The following RAB31 variants were observed in gnomAD, a reference collection of about 807,000 sequenced individuals.
RAB31 encodes ras-related protein Rab-31.
RAB31 carries 21 observed loss-of-function variants against 25.6 expected under a neutral mutation model. That is an observed-to-expected ratio of 0.82 (90% CI 0.58 to 1.18). The LOEUF is 1.18. Among genes scored for constraint, RAB31 ranks in the 50% most tolerant of loss-of-function variants. RAB31 has a pLI of 0.00. For synonymous variants in RAB31, 87 were observed against 84.0 expected (o/e 1.04, Z -0.20); for missense variants, 196 against 250.1 (o/e 0.78, Z 1.46).
At chr18:9,759,884 G>A (rs1353306776) in intron 1 of RAB31, among the ~76,000 whole-genome samples, 8 of 152,056 alleles carry the variant, frequency 5.3e-5, no homozygotes, top group Admixed American at 3.9e-4. Context: ...TGATGCATGA[G>A]TTATCAGGAT....
At chr18:9,759,034 G>A (rs1008675676) in intron 1 of RAB31, among the ~76,000 whole-genome samples, 16 of 151,992 alleles carry the variant, frequency 1.1e-4, no homozygotes, top group Admixed American at 6.6e-5. Context: ...CTTTGAGATG[G>A]AGAAGCAGTA....
At chr18:9,772,866 T>TGCTCC (rs2068352276) in intron 1 of RAB31, among the ~76,000 whole-genome samples, 1 of 151,996 alleles carries the variant, frequency 6.6e-6, no homozygotes, top group African/African-American at 2.4e-5. Flanking sequence ...GGCAAGGATT[T>TGCTCC]GCTCCTCCAC....
chr18:9,759,182 G>A (rs2068274900), intron 1 of RAB31, among the ~76,000 whole-genome samples: 1 of 151,978 alleles, frequency 6.6e-6, no homozygotes, highest in African/African-American at 2.4e-5. Flanking sequence ...CTATACAGCG[G>A]GTCTTTTTGT....
At chr18:9,741,616 G>A (rs73940008) in intron 1 of RAB31, among the ~76,000 whole-genome samples, 1,524 of 152,220 alleles carry the variant, frequency 0.01, 28 homozygotes, top group African/African-American at 0.035. Context: ...CTTGTCCTGC[G>A]CCAGTGCCAG....
At chr18:9,839,814 C>G (rs1016542764) in intron 5 of RAB31, among the ~76,000 whole-genome samples, 2 of 152,154 alleles carry the variant, frequency 1.3e-5, no homozygotes, top group Non-Finnish European at 2.9e-5. Context: ...CAGTGTCCAC[C>G]GTGGGAGGCA....
chr18:9,781,063 T>C (rs1236961525), intron 2 of RAB31, among the ~76,000 whole-genome samples: 1 of 152,228 alleles, frequency 6.6e-6, no homozygotes, highest in Non-Finnish European at 1.5e-5. Flanking sequence ...AATGGAATAA[T>C]TTAGTCCAAG....
chr18:9,859,494 G>C lies in RAB31; in HGVS notation c.*169G>C, dbSNP rs112168249. ...GCGGGGCAGGAAATGTACCTGAAAA[G>C]GATTTTAGAAAACCCTGGGAAAACC... is the stretch of plus-strand genomic sequence containing the variant. On this transcript the variant is annotated 3_prime_UTR_variant, in exon 7 of 7. Coordinates refer to ENST00000578921, the MANE Select transcript of RAB31 (RefSeq NM_006868.4). The C allele has an allele frequency of 0.04, 20,251 of 508,128 alleles. 518 individuals carry two copies. Among genetic ancestry groups the C allele is most frequent in the South Asian group, 0.077 (2,094 of 27,332 alleles). 31.5% of individuals were successfully genotyped at this position (508,128 alleles called of 1,614,324 possible). A position where few individuals can be genotyped will look rare whatever the true frequency, so the allele number is the denominator to read the frequency against.
rs551257699 is a variant in RAB31 at position 9,765,805 on chromosome 18, A to T, written c.40-9473A>T. Reference sequence around the variant, plus strand: ...GAGTTCACTGGTAGTTTGAGGAGTGATGTTCGTTGTTTTAACCTCCAGTCT... The same window carrying T: ...GAGTTCACTGGTAGTTTGAGGAGTGTTGTTCGTTGTTTTAACCTCCAGTCT... On this transcript the variant is annotated intron_variant, in intron 1 of 6. Coordinates refer to ENST00000578921, the MANE Select transcript of RAB31 (RefSeq NM_006868.4). Among the ~76,000 whole-genome samples, 885 of 152,176 alleles carry T rather than the reference A, an allele frequency of 5.8e-3. 2 individuals are homozygous for T. The highest frequency in any genetic ancestry group is 0.01 in the Non-Finnish European group (705 of 67,996).
At chr18:9,735,467 G>T in intron 1 of RAB31, 2 of 213,850 alleles carry the variant, frequency 9.4e-6, no homozygotes, top group South Asian at 8.4e-5. Context: ...GGTGACATTT[G>T]TCAAAGTTGA....
chr18:9,796,269 G>A (rs911295236), intron 3 of RAB31, among the ~76,000 whole-genome samples: 33 of 152,098 alleles, frequency 2.2e-4, no homozygotes, highest in Admixed American at 2.0e-3. Flanking sequence ...ACTACACACT[G>A]GGTACAGTGT....
At chr18:9,751,453 C>A (rs1411736706) in intron 1 of RAB31, among the ~76,000 whole-genome samples, 1 of 152,156 alleles carries the variant, frequency 6.6e-6, no homozygotes, top group East Asian at 1.9e-4. Context: ...TGACCTTGGC[C>A]CGCGGTGCAG....
At chr18:9,741,737 G>A (rs2068180411) in intron 1 of RAB31, among the ~76,000 whole-genome samples, 1 of 152,218 alleles carries the variant, frequency 6.6e-6, no homozygotes, top group Admixed American at 6.5e-5. Flanking sequence ...TGCTCCAGCA[G>A]CCCCCTCAGG....
intron 1 of RAB31, among the ~76,000 whole-genome samples, chr18:9,738,048 G>A (rs763816422): frequency 5.3e-5 from 8 of 152,314 alleles, no homozygotes; most frequent in South Asian, 2.1e-4. Flanking sequence ...ATGGGTGAGC[G>A]TGGATGCAGC....
chr18:9,854,475 C>A (rs971867988), intron 6 of RAB31, among the ~76,000 whole-genome samples: 1 of 152,104 alleles, frequency 6.6e-6, no homozygotes, highest in Non-Finnish European at 1.5e-5. Context: ...AAGCATCTTC[C>A]ACAGTTTCCC....
At chr18:9,780,176 A>C (rs1238212078) in intron 2 of RAB31, among the ~76,000 whole-genome samples, 2 of 103,512 alleles carry the variant, frequency 1.9e-5, no homozygotes, top group Admixed American at 9.7e-5. Flanking sequence ...ATACTGTTCC[A>C]AAAAAAAAAA....
At chr18:9,839,346 G>A (rs1368264474) in intron 5 of RAB31, among the ~76,000 whole-genome samples, 1 of 152,196 alleles carries the variant, frequency 6.6e-6, no homozygotes, top group East Asian at 1.9e-4. Flanking sequence ...GCCCCGTCCT[G>A]CTAAGGCGTT....
intron 6 of RAB31, among the ~76,000 whole-genome samples, chr18:9,846,678 A>T (rs533747770): frequency 6.6e-6 from 1 of 152,318 alleles, no homozygotes; most frequent in East Asian, 1.9e-4. Flanking sequence ...CAGAGCTCTC[A>T]AAGTCAGAGA....
At chr18:9,746,463 C>CAAA (rs2068206283) in intron 1 of RAB31, among the ~76,000 whole-genome samples, 1 of 151,552 alleles carries the variant, frequency 6.6e-6, no homozygotes, top group Admixed American at 6.7e-5. Flanking sequence ...ATAGCCAAAA[C>CAAA]AATCTTGATA....
chr18:9,752,191 A>G (rs1171113118), intron 1 of RAB31, among the ~76,000 whole-genome samples: 1 of 151,970 alleles, frequency 6.6e-6, no homozygotes, highest in African/African-American at 2.4e-5. Context: ...TTGACTGATT[A>G]CATGTCTGTC....
Sources: gnomAD v4.1 joint callset for allele counts (sites outside exome capture counted in the v4.1 genomes callset) on GRCh38, gnomAD v4.1.1 for gene constraint, MANE v1.5 for transcripts, NCBI Gene and HGNC (gene_info 2026-07-23, HGNC 2026-07-21) for gene names.